The following COL4A1 variants were observed in gnomAD, a reference collection of about 807,000 sequenced individuals.
The protein encoded by COL4A1 is collagen alpha-1(IV) chain.
Under a neutral mutation model 216.6 loss-of-function variants are expected in COL4A1, and 40 were observed. The observed-to-expected ratio is 0.18, with a 90% CI of 0.14 to 0.24. The LOEUF (loss-of-function observed/expected upper bound fraction) is 0.24, where lower values mean the gene tolerates loss of function less well. Ranked by LOEUF, COL4A1 falls within the 10% of genes least tolerant of loss-of-function variation. The pLI is 1.00. For synonymous variants in COL4A1, 839 were observed against 810.7 expected (o/e 1.03, Z -0.59); for missense variants, 1,628 against 2,196.8 (o/e 0.74, Z 5.18).
At chr13:110,208,695 G>A (rs1189696734) in intron 12 of COL4A1, among the ~76,000 whole-genome samples, 154 bp downstream of exon 12, 1 of 152,144 alleles carries the variant, frequency 6.6e-6, no homozygotes, top group Non-Finnish European at 1.5e-5. Context: ...AATAATGCTG[G>A]CATTTTAAGG....
At chr13:110,206,610 T>C (rs2139198040) in intron 15 of COL4A1, 55 bp downstream of exon 15, 1 of 1,588,418 alleles carries the variant, frequency 6.3e-7, no homozygotes. Flanking sequence ...AATCTGCGAT[T>C]TTCCGCATGG....
At position 110,207,561 on chromosome 13, in the gene COL4A1, G is replaced by A; in HGVS notation, c.694-72C>T. 5 of 1,222,214 alleles carry A rather than the reference G, an allele frequency of 4.1e-6. No individual in the cohort carries two copies. Among genetic ancestry groups the A allele is most frequent in the Non-Finnish European group, 6.0e-6 (5 of 826,928 alleles). The allele number at this position is 1,222,214 out of a possible 1,614,324, so 75.7% of individuals were successfully genotyped here. A position where few individuals can be genotyped will look rare whatever the true frequency, so the allele number is the denominator to read the frequency against. On this transcript the variant is annotated intron_variant, in intron 12 of 51. Transcript: ENST00000375820. The surrounding 1 kb of genome is among the most constrained non-coding windows in gnomAD (Gnocchi z 4.4). ...GCAGACATGAAAAATTGCAGAGAGA[G>A]GTAAAAGCCTAAAATAAAACACCTA...
chr13:110,151,477 C>T (rs979556064), intron 51 of COL4A1, among the ~76,000 whole-genome samples: 5 of 152,196 alleles, frequency 3.3e-5, no homozygotes, highest in African/African-American at 4.8e-5. Context: ...GTTAGGCACG[C>T]GGCACTTTTT....
At chr13:110,243,209 A>G (rs1881641847) in intron 1 of COL4A1, among the ~76,000 whole-genome samples, 1 of 152,234 alleles carries the variant, frequency 6.6e-6, no homozygotes. Flanking sequence ...AGAACAGAAT[A>G]AAGGAATGAG....
At chr13:110,306,889 C>T in intron 1 of COL4A1, 55 bp downstream of exon 1, 1 of 1,411,780 alleles carries the variant, frequency 7.1e-7, no homozygotes, top group Non-Finnish European at 9.2e-7. Flanking sequence ...AGGGGCCTCT[C>T]GGGGCGCCCA....
chr13:110,201,114 A>C (rs1879171205), intron 19 of COL4A1, among the ~76,000 whole-genome samples: 1 of 152,108 alleles, frequency 6.6e-6, no homozygotes, highest in South Asian at 2.1e-4. Flanking sequence ...GTGAAATAGG[A>C]ACTTGGAGGA....
At chr13:110,219,702 A>G (rs796335793) in intron 2 of COL4A1, among the ~76,000 whole-genome samples, 42 of 115,892 alleles carry the variant, frequency 3.6e-4, no homozygotes, top group East Asian at 7.3e-4. Context: ...ATATATATGT[A>G]TATACATATG....
chr13:110,178,897 G>T, intron 31 of COL4A1, 26 bp downstream of exon 31: 1 of 1,561,970 alleles, frequency 6.4e-7, no homozygotes, highest in Non-Finnish European at 8.8e-7. Context: ...TTTGGGAACA[G>T]ATAATTCTAG....
rs1877777498 is a variant in COL4A1 at position 110,174,337 on chromosome 13, A to G, written c.3406+109T>C. 2.1e-5 allele frequency: 25 copies of G among 1,198,526 alleles called. 1 individual carries two copies. The South Asian group carries it at 3.2e-4, about 15-fold the overall frequency. 74.2% of individuals were successfully genotyped at this position (1,198,526 alleles called of 1,614,324 possible). A position where few individuals can be genotyped will look rare whatever the true frequency, so the allele number is the denominator to read the frequency against. On this transcript the variant is annotated intron_variant, in intron 39 of 51. Transcript: ENST00000375820. ...TGCCCATCTGAAGATGGGAGACAGG[A>G]CAGCTGGCCTCCCTGCTCCCCGTCT...
At chr13:110,219,828 G>GTGTGTA (rs1566385613) in intron 2 of COL4A1, among the ~76,000 whole-genome samples, 1 of 69,656 alleles carries the variant, frequency 1.4e-5, no homozygotes, top group Non-Finnish European at 3.0e-5. Flanking sequence ...GTATATATAT[G>GTGTGTA]TATGTATGTA....
chr13:110,203,430 C>T (rs1469779479), intron 18 of COL4A1, 136 bp downstream of exon 18: 8 of 916,964 alleles, frequency 8.7e-6, no homozygotes, highest in Non-Finnish European at 1.4e-5. Flanking sequence ...TGCCCTGCAT[C>T]TCCTCTCCTT....
At chr13:110,251,201 C>T (rs1023172793) in intron 1 of COL4A1, among the ~76,000 whole-genome samples, 9 of 152,340 alleles carry the variant, frequency 5.9e-5, no homozygotes, top group East Asian at 1.9e-4. Flanking sequence ...CAGCTATTCC[C>T]GGTTTTCATC....
At chr13:110,290,537 T>C (rs961295471) in intron 1 of COL4A1, among the ~76,000 whole-genome samples, 3 of 152,112 alleles carry the variant, frequency 2.0e-5, no homozygotes, top group African/African-American at 7.2e-5. Context: ...TTCCTTCCCT[T>C]TGGACTCTAG....
chr13:110,227,002 A>T (rs779852373), intron 2 of COL4A1, among the ~76,000 whole-genome samples: 17 of 152,356 alleles, frequency 1.1e-4, no homozygotes, highest in African/African-American at 1.7e-4. Context: ...AAAGTTGGCA[A>T]GCCTGTTTTC....
chr13:110,179,897 C>T (rs772935622), intron 29 of COL4A1, among the ~76,000 whole-genome samples: 11 of 152,136 alleles, frequency 7.2e-5, no homozygotes, highest in African/African-American at 2.7e-4. Context: ...GTAAATTAAG[C>T]ATTTTAAACT....
Position 110,177,825 on chromosome 13 carries a change from G to T in COL4A1, c.2716+17C>A, listed in dbSNP as rs564267894. 2 of 1,612,082 alleles carry T rather than the reference G, an allele frequency of 1.2e-6. No homozygotes were observed. Among genetic ancestry groups the T allele is most frequent in the Non-Finnish European group, 1.7e-6 (2 of 1,178,460 alleles). ...AATAGACACAAAATGAGCTTCTAGG[G>T]TTATCAGCTCCCCTACCTTTTTCAC... On this transcript the variant is annotated intron_variant, in intron 33 of 51. Coordinates refer to ENST00000375820, the MANE Select transcript of COL4A1 (RefSeq NM_001845.6).
intron 1 of COL4A1, among the ~76,000 whole-genome samples, chr13:110,279,625 T>C (rs762336275): frequency 1.6e-4 from 25 of 152,210 alleles, no homozygotes; most frequent in Non-Finnish European, 2.6e-4. Context: ...TTGTGTCTTT[T>C]CTTGCAGGGG....
intron 2 of COL4A1, among the ~76,000 whole-genome samples, chr13:110,228,977 A>G (rs2139228649): frequency 6.6e-6 from 1 of 152,326 alleles, no homozygotes; most frequent in South Asian, 2.1e-4. Context: ...GAAAAGAAAA[A>G]GGGGAGGAAA....
intron 19 of COL4A1, 96 bp from the exon 20 acceptor site, chr13:110,200,985 G>T: frequency 7.3e-7 from 1 of 1,374,226 alleles, no homozygotes. Context: ...TGGTGCATTG[G>T]TAAGTGTCCA....
Sources: gnomAD v4.1 joint callset for allele counts (sites outside exome capture counted in the v4.1 genomes callset) on GRCh38, gnomAD v4.1.1 for gene constraint, Gnocchi (gnomAD v3.1) non-coding constraint, MANE v1.5 for transcripts, NCBI Gene and HGNC (gene_info 2026-07-23, HGNC 2026-07-21) for gene names.